NEBL: variants seen among roughly 807,000 people sequenced by gnomAD.
The protein encoded by NEBL is LIM and SH3 protein 2.
Under a neutral mutation model 140.2 loss-of-function variants are expected in NEBL, and 122 were observed. The observed-to-expected ratio is 0.87, with a 90% CI of 0.75 to 1.01. The LOEUF is 1.01. Ranked by LOEUF, NEBL falls within the 50% of genes least tolerant of loss-of-function variation. The pLI, the probability that NEBL is intolerant of heterozygous loss-of-function variation, is 0.00. For missense variants in NEBL, 1,365 were observed against 1,231.3 expected, an observed-to-expected ratio of 1.11 and a Z score of -1.62; for synonymous variants, 436 against 398.9, an observed-to-expected ratio of 1.09 and a Z score of -1.11.
chr10:21,033,292 G>C (rs146226792), intron 2 of NEBL, among the ~76,000 whole-genome samples: 2 of 152,268 alleles, frequency 1.3e-5, no homozygotes, highest in African/African-American at 4.8e-5. Context: ...AGAAGCACAA[G>C]AAGGATCACA....
chr10:20,859,519 CTAAT>C (rs1218810827), intron 8 of NEBL, among the ~76,000 whole-genome samples, 190 bp downstream of exon 8: 1 of 151,946 alleles, frequency 6.6e-6, no homozygotes, highest in Non-Finnish European at 1.5e-5. Context: ...TACTTATTAA[CTAAT>C]TAGTAATCAG....
intron 17 of NEBL, among the ~76,000 whole-genome samples, chr10:20,826,917 C>A (rs1157633911): frequency 2.0e-5 from 3 of 152,150 alleles, no homozygotes; most frequent in Admixed American, 1.3e-4. Context: ...TCACTGAATT[C>A]AAAAAGAAAA....
intron 2 of NEBL, among the ~76,000 whole-genome samples, chr10:21,046,586 T>C (rs1050354139): frequency 5.9e-5 from 9 of 152,206 alleles, no homozygotes; most frequent in African/African-American, 2.2e-4. Flanking sequence ...GTTATAAACC[T>C]AACCTCAATA....
intron 3 of NEBL, among the ~76,000 whole-genome samples, chr10:21,195,579 C>T (rs956614538): frequency 6.6e-6 from 1 of 152,148 alleles, no homozygotes; most frequent in African/African-American, 2.4e-5. Context: ...GGATGTCAGC[C>T]ATTTAGTTGC....
intron 2 of NEBL, among the ~76,000 whole-genome samples, chr10:21,105,200 ATATTT>A (rs1837655429): frequency 6.8e-6 from 1 of 147,118 alleles, no homozygotes; most frequent in African/African-American, 2.7e-5. Flanking sequence ...TTTTTCTTTT[ATATTT>A]TAAGTTCGGG....
At chr10:20,960,923 T>G (rs1294523525) in intron 4 of NEBL, among the ~76,000 whole-genome samples, 1 of 152,190 alleles carries the variant, frequency 6.6e-6, no homozygotes, top group Non-Finnish European at 1.5e-5. Context: ...TTGCTCATAC[T>G]TTTATGTCAC....
intron 11 of NEBL, among the ~76,000 whole-genome samples, chr10:20,846,779 A>C (rs1009748441): frequency 1.3e-5 from 2 of 152,140 alleles, no homozygotes; most frequent in Non-Finnish European, 2.9e-5. Flanking sequence ...CTGGAAAAAA[A>C]AGTTATTTTA....
chr10:21,203,888 C>A (rs1450114972), intron 3 of NEBL, among the ~76,000 whole-genome samples: 1 of 152,100 alleles, frequency 6.6e-6, no homozygotes, highest in African/African-American at 2.4e-5. Flanking sequence ...CCACCCCTAC[C>A]AGACCTGACT....
chr10:21,073,950 C>T (rs1281572454), intron 2 of NEBL, among the ~76,000 whole-genome samples: 1 of 151,810 alleles, frequency 6.6e-6, no homozygotes, highest in African/African-American at 2.4e-5. Flanking sequence ...TGGCGGGTGC[C>T]TGTAGTCCCA....
At chr10:21,183,346 G>T (rs183905967) in intron 3 of NEBL, among the ~76,000 whole-genome samples, 1 of 152,258 alleles carries the variant, frequency 6.6e-6, no homozygotes, top group Non-Finnish European at 1.5e-5. Context: ...AATAGACAGG[G>T]TTGGAAGAGG....
chr10:20,846,862 C>T (rs952416865), intron 11 of NEBL, among the ~76,000 whole-genome samples: 1 of 151,770 alleles, frequency 6.6e-6, no homozygotes, highest in Non-Finnish European at 1.5e-5. Flanking sequence ...AAAAAAAAAC[C>T]TTTTGGGTAT....
Position 20,840,844 on chromosome 10 carries a change from T to C in NEBL, c.1233A>G (p.Glu411=), listed in dbSNP as rs1173466995. ...KYITNLLREK[E]YKKDLENEIK... ...TCTCATTTTCCAAATCTTTTTTATATTCTTTCTATGAGACAAGAATATCAC... is the reference window on the plus strand; with the variant it reads ...TCTCATTTTCCAAATCTTTTTTATACTCTTTCTATGAGACAAGAATATCAC... The change falls in exon 13 of 28, where the codon GAA becomes GAG. Residue 411 remains glutamate, a synonymous_variant. Transcript: ENST00000377122. The C allele has an allele frequency of 1.3e-6, 2 of 1,547,022 alleles. No individual in the cohort carries two copies. The highest frequency in any genetic ancestry group is 1.1e-5 in the South Asian group (1 of 89,300).
chr10:21,169,175 C>T (rs1000496507), intron 2 of NEBL, among the ~76,000 whole-genome samples: 1 of 136,094 alleles, frequency 7.3e-6, no homozygotes, highest in Non-Finnish European at 1.5e-5. Context: ...AGCTGAATGT[C>T]GGTGGAGGGG....
At chr10:20,941,249 G>A (rs144687319) in intron 4 of NEBL, among the ~76,000 whole-genome samples, 1,705 of 152,246 alleles carry the variant, frequency 0.011, 23 homozygotes, top group African/African-American at 0.031. Context: ...TGATCAAGTG[G>A]GCTTCATCCC....
chr10:20,928,093 AT>A lies in NEBL; in HGVS notation c.357+33578del, dbSNP rs1021412338. Among the ~76,000 whole-genome samples the A allele has an allele frequency of 5.3e-5, 8 of 152,206 alleles. No individual in the cohort carries two copies. The East Asian group carries it at 5.8e-4, about 11-fold the overall frequency. On this transcript the variant is annotated intron_variant, in intron 4 of 6. Transcript: ENST00000417816. ...AAATTATTAATGGAATAGTTTACAT[AT>A]TTTTTAGCTAAGTCTTCAAAATCAC... is the stretch of plus-strand genomic sequence containing the variant.
At chr10:20,933,469 C>T (rs767168843) in intron 4 of NEBL, among the ~76,000 whole-genome samples, 4 of 152,184 alleles carry the variant, frequency 2.6e-5, no homozygotes, top group East Asian at 1.9e-4. Context: ...TGCGGTGGCT[C>T]ATACCTATAA....
intron 2 of NEBL, among the ~76,000 whole-genome samples, chr10:21,143,448 C>CAA (rs72021692): frequency 0.068 from 4,392 of 64,170 alleles, 279 homozygotes; most frequent in East Asian, 0.2. Flanking sequence ...AACTTCATCT[C>CAA]AAAAAAAAAA....
At chr10:21,017,206 T>C (rs1169638747) in intron 3 of NEBL, among the ~76,000 whole-genome samples, 2 of 152,218 alleles carry the variant, frequency 1.3e-5, no homozygotes. Context: ...ACCTGTATCA[T>C]TGAAGTTGTT....
intron 2 of NEBL, among the ~76,000 whole-genome samples, chr10:21,042,400 G>A (rs1317386155): frequency 6.6e-6 from 1 of 152,170 alleles, no homozygotes; most frequent in Non-Finnish European, 1.5e-5. Context: ...AGAATTTTAT[G>A]AGTAAGTTGC....
Sources: allele counts gnomAD v4.1 joint callset (sites outside exome capture counted in the v4.1 genomes callset), GRCh38; gene constraint gnomAD v4.1.1; transcripts MANE v1.5; gene names NCBI Gene and HGNC (gene_info 2026-07-23, HGNC 2026-07-21).